ZNF569: variants seen among roughly 807,000 people sequenced by gnomAD.
The protein encoded by ZNF569 is DNA-binding protein.
In ZNF569, 38 loss-of-function variants were observed where a neutral mutation model predicts 56.3. The observed-to-expected ratio is 0.68, with a 90% CI of 0.52 to 0.88. The LOEUF is 0.88. ZNF569 is among the 40% of genes least tolerant of loss of function. The pLI is 0.00. For synonymous variants in ZNF569, 241 were observed against 262.9 expected (o/e 0.92, Z 0.81); for missense variants, 666 against 809.2 (o/e 0.82, Z 2.15).
At chr19:37,421,135 G>C (rs1350569403) in intron 5 of ZNF569, among the ~76,000 whole-genome samples, 2 of 152,204 alleles carry the variant, frequency 1.3e-5, no homozygotes, top group African/African-American at 4.8e-5. Flanking sequence ...TGTCGTCCAG[G>C]CTTTGTTATT....
intron 5 of ZNF569, among the ~76,000 whole-genome samples, chr19:37,424,191 G>A (rs1050765853): frequency 1.3e-5 from 2 of 152,150 alleles, no homozygotes; most frequent in Non-Finnish European, 2.9e-5. Flanking sequence ...ATGACTGTAC[G>A]ACATTTCAGA....
upstream of ZNF569, chr19:37,468,080 TTTTTG>T: frequency 4.2e-6 from 3 of 720,760 alleles, no homozygotes; most frequent in Non-Finnish European, 6.7e-6. Context: ...TGTTTTTTTT[TTTTTG>T]TTTGTTTTGT....
chr19:37,445,846 C>G (rs1426694365), intron 2 of ZNF569, among the ~76,000 whole-genome samples: 2 of 151,990 alleles, frequency 1.3e-5, no homozygotes, highest in Non-Finnish European at 2.9e-5. Flanking sequence ...TGGGTATAAT[C>G]AATATTGTGA....
chr19:37,430,724 C>T (rs949795927), intron 3 of ZNF569, among the ~76,000 whole-genome samples: 2 of 152,200 alleles, frequency 1.3e-5, no homozygotes, highest in Non-Finnish European at 2.9e-5. Context: ...ATCAGGTCAG[C>T]AGTCACAGTA....
chr19:37,467,689 G>C, upstream of ZNF569: 1 of 619,616 alleles, frequency 1.6e-6, no homozygotes, highest in African/African-American at 1.8e-5. Flanking sequence ...GGTCCTGACA[G>C]CGGCTAGAAG....
intron 5 of ZNF569, among the ~76,000 whole-genome samples, chr19:37,419,973 T>TC (rs1568718715): frequency 2.3e-5 from 2 of 87,058 alleles, no homozygotes; most frequent in African/African-American, 5.4e-5. Context: ...TTCTTTCTTT[T>TC]TTTTTTTTTT....
At position 37,413,611 on chromosome 19, in the gene ZNF569, T is replaced by C. The variant is rs2040877580; in HGVS notation, c.1047A>G (p.Thr349=). 2 of 1,613,906 alleles carry C rather than the reference T, an allele frequency of 1.2e-6. No homozygotes were observed. The highest frequency in any genetic ancestry group is 4.5e-5 in the East Asian group (2 of 44,834). The part of the protein sequence containing the change: ...ASLALHMRSH[T]GEKPYKCDKC... ...TATCACATTTATAAGGTTTTTCTCC[T>C]GTATGACTTCTCATATGAAGAGCAA... The change falls in exon 6 of 6, where the codon ACA becomes ACG. Residue 349 remains threonine, a synonymous_variant. Transcript: ENST00000316950.
At chr19:37,439,982 T>C (rs1258742428) in intron 3 of ZNF569, among the ~76,000 whole-genome samples, 1 of 152,192 alleles carries the variant, frequency 6.6e-6, no homozygotes, top group Non-Finnish European at 1.5e-5. Context: ...ATCTAATATT[T>C]GATAGTGCAA....
At chr19:37,446,962 C>T (rs981357827) in intron 2 of ZNF569, among the ~76,000 whole-genome samples, 7 of 152,022 alleles carry the variant, frequency 4.6e-5, no homozygotes, top group South Asian at 2.1e-4. Context: ...AGACAATTCT[C>T]GAAAGAAGAT....
intron 2 of ZNF569, among the ~76,000 whole-genome samples, chr19:37,460,254 T>C (rs2041735902): frequency 6.6e-6 from 1 of 152,090 alleles, no homozygotes. Flanking sequence ...GTTCAAGCAA[T>C]TCTCCTGCCT....
intron 4 of ZNF569, 123 bp downstream of exon 4, chr19:37,426,129 C>A: frequency 7.5e-7 from 1 of 1,337,824 alleles, no homozygotes; most frequent in African/African-American, 1.5e-5. Flanking sequence ...TTCACATGAG[C>A]AAAAGCATCC....
chr19:37,445,048 C>A, intron 2 of ZNF569, 84 bp from the exon 3 acceptor site: 1 of 1,013,780 alleles, frequency 9.9e-7, no homozygotes, highest in South Asian at 1.6e-5. Context: ...AAAGGTCACC[C>A]TGTAGTGGAA....
At chr19:37,419,257 T>A (rs1430194668) in intron 5 of ZNF569, among the ~76,000 whole-genome samples, 1 of 152,180 alleles carries the variant, frequency 6.6e-6, no homozygotes, top group Non-Finnish European at 1.5e-5. Context: ...ACATAAATGA[T>A]AATCTTGACT....
At chr19:37,450,804 T>A (rs1390306847) in intron 2 of ZNF569, among the ~76,000 whole-genome samples, 2 of 152,178 alleles carry the variant, frequency 1.3e-5, no homozygotes, top group Non-Finnish European at 2.9e-5. Context: ...CTGCAACTTA[T>A]AAGTTTTGGT....
At position 37,413,574 on chromosome 19, in the gene ZNF569, C is replaced by CT. The variant is rs1290412762; in HGVS notation, c.1083dup (p.Ala362SerfsTer13). 6 of 1,613,518 alleles carry CT rather than the reference C, an allele frequency of 3.7e-6. No individual in the cohort carries two copies. Among genetic ancestry groups the CT allele is most frequent in the Non-Finnish European group, 5.1e-6 (6 of 1,179,814 alleles). On this transcript the variant is annotated frameshift_variant, in exon 6 of 6. Transcript: ENST00000316950. LOFTEE classifies it high-confidence loss of function. ...ATAAGCATGGAAAACTGAGAGAAGG[C>CT]TTTACCACATTTATCACATTTATAA...
intron 2 of ZNF569, among the ~76,000 whole-genome samples, chr19:37,446,324 C>T (rs556563208): frequency 8.0e-4 from 121 of 152,004 alleles, no homozygotes; most frequent in Non-Finnish European, 1.3e-3. Flanking sequence ...CCAAGGTGGG[C>T]GGATCACGAG....
intron 5 of ZNF569, among the ~76,000 whole-genome samples, chr19:37,416,157 T>C (rs980023919): frequency 6.6e-5 from 10 of 151,190 alleles, no homozygotes; most frequent in African/African-American, 2.4e-4. Context: ...CACCTAAGCC[T>C]GGGAGGTTAA....
At chr19:37,419,055 A>G (rs1029126700) in intron 5 of ZNF569, among the ~76,000 whole-genome samples, 1 of 152,174 alleles carries the variant, frequency 6.6e-6, no homozygotes, top group African/African-American at 2.4e-5. Context: ...AATCAGTGAT[A>G]TTGAACTTTC....
At chr19:37,449,902 T>C (rs1175297831) in intron 2 of ZNF569, among the ~76,000 whole-genome samples, 3 of 152,190 alleles carry the variant, frequency 2.0e-5, no homozygotes, top group African/African-American at 7.2e-5. Context: ...AGATGTACCA[T>C]CTTCTTAGCT....
Sources: gnomAD v4.1 joint callset for allele counts (sites outside exome capture counted in the v4.1 genomes callset) on GRCh38, gnomAD v4.1.1 for gene constraint, MANE v1.5 for transcripts, NCBI Gene and HGNC (gene_info 2026-07-23, HGNC 2026-07-21) for gene names.